The following CCDC142 variants were observed in gnomAD, a reference collection of about 807,000 sequenced individuals.
The protein encoded by CCDC142 is coiled-coil domain containing 142, also known as coiled-coil domain-containing protein 142.
A neutral mutation model predicts 83.8 loss-of-function variants in CCDC142; 67 were observed. That is an observed-to-expected ratio of 0.80 (90% CI 0.66 to 0.98). The LOEUF (loss-of-function observed/expected upper bound fraction) is 0.98, where lower values mean the gene tolerates loss of function less well. Among genes scored for constraint, CCDC142 ranks in the 50% least tolerant of loss-of-function variants. The probability of loss-of-function intolerance (pLI) is 0.00; values close to 1 mark genes in which losing one functional copy is unlikely to be tolerated. For synonymous variants in CCDC142, 421 were observed against 421.2 expected, an observed-to-expected ratio of 1.00 and a Z score of 0.01; for missense variants, 905 against 946.8, an observed-to-expected ratio of 0.96 and a Z score of 0.58.
chr2:74,481,938 G>T lies in CCDC142; in HGVS notation c.900C>A (p.Ala300=). 1.2e-6 allele frequency: 2 copies of T among 1,614,054 alleles called. No individual in the cohort carries two copies. The highest frequency in any genetic ancestry group is 2.7e-5 in the African/African-American group (2 of 75,024). The change falls in exon 1 of 9, where the codon GCC becomes GCA. Residue 300 remains alanine (A), a synonymous_variant. Transcript: ENST00000393965. ...SCGLGLGGAG[A]LWSQYWTLLW... ...GCAGGGTCCAGTATTGGCTCCACAA[G>T]GCCCCAGCCCCTCCGAGCCCTAGTC...
rs772972873 is a variant in CCDC142 at position 74,481,035 on chromosome 2, C to T, written c.1310G>A (p.Trp437Ter). 3.1e-6 allele frequency: 5 copies of T among 1,614,096 alleles called. No individual in the cohort carries two copies. In the South Asian group the frequency reaches 5.5e-5, roughly 18 times the overall value. The part of the protein sequence containing the change: ...GLCTLQTTLL[W>*]FLGRAQQYLA... ...GTACTGCTGAGCTCTGCCCAGGAAC[C>T]AGAGCAAGGTGGTCTGAAGGGTACA... The change falls in exon 4 of 9, where the codon TGG (tryptophan) becomes TAG (stop). Residue 437 changes from tryptophan (W) to a stop codon, truncating the protein, a stop_gained. Transcript: ENST00000393965. LOFTEE classifies it high-confidence loss of function.
At chr2:74,475,846 T>C in intron 5 of CCDC142, 120 bp from the exon 6 acceptor site, 1 of 653,330 alleles carries the variant, frequency 1.5e-6, no homozygotes, top group Non-Finnish European at 2.6e-6. Context: ...TAGTTGTGTA[T>C]GCCTGGCCAT....
In CCDC142 at chr2:74,474,763, C is replaced by G; in HGVS notation, c.2036G>C (p.Ser679Thr). 1 of 1,613,274 alleles carries G rather than the reference C, an allele frequency of 6.2e-7. No individual in the cohort carries two copies. The highest frequency in any genetic ancestry group is 8.5e-7 in the Non-Finnish European group (1 of 1,179,478). Residue 679 changes from serine (S) to threonine (T), a missense_variant, in exon 9 of 9, where the codon AGC becomes ACC. Physicochemically the swap from Ser to Thr is moderately conservative, Grantham distance 58 (BLOSUM62 1). This residue lies in a region of CCDC142 where 265 missense variants were observed against 288.9 expected (regional missense o/e 0.92). Coordinates refer to ENST00000393965, the MANE Select transcript of CCDC142 (RefSeq NM_001365575.2). ...QEVQTTKLPS[S>T]CLNSLESLEP... Reference sequence around the variant, plus strand: ...CAAGCTCTCCAGGCTATTGAGGCAGCTGCTGGGCAATTTCGTGGTCTGGAC... The same window carrying G: ...CAAGCTCTCCAGGCTATTGAGGCAGGTGCTGGGCAATTTCGTGGTCTGGAC...
intron 5 of CCDC142, among the ~76,000 whole-genome samples, chr2:74,476,140 A>G (rs906139472): frequency 6.6e-6 from 1 of 150,720 alleles, no homozygotes; most frequent in Non-Finnish European, 1.5e-5. Context: ...ATGATCTGCA[A>G]TGGGCAGAAA....
At position 74,472,928 on chromosome 2, in the gene CCDC142, T is replaced by A; in HGVS notation, c.*1618A>T. 1.9e-6 allele frequency: 1 copy of A among 531,368 alleles called. No individual in the cohort carries two copies. 32.9% of individuals were successfully genotyped at this position (531,368 alleles called of 1,614,324 possible). A position where few individuals can be genotyped will look rare whatever the true frequency, so the allele number is the denominator to read the frequency against. On this transcript the variant is annotated 3_prime_UTR_variant, in exon 9 of 9. Transcript: ENST00000393965. ...CTCATACGACGGTGAAAACCATAAA[T>A]AAATGGCGCAAAAACCTCTTTGCAC...
chr2:74,481,414 T>A, intron 2 of CCDC142, 38 bp downstream of exon 2: 5 of 1,614,092 alleles, frequency 3.1e-6, no homozygotes, highest in Non-Finnish European at 4.2e-6. Context: ...AGCGGTAACC[T>A]GGGACTTATG....
In CCDC142 at chr2:74,475,651, T is replaced by C; in HGVS notation, c.1579A>G (p.Met527Val). ...AGCCGCCAGTACCGACCCCGTGGCA[T>C]GTAGAGCTTGAAACCTTGCATGGCT... ...KQAMQGFKLY[M>V]PRGRYWRLRL... Residue 527 changes from methionine to valine, a missense_variant, in exon 6 of 9, where the codon ATG (methionine) becomes GTG (valine). Met to Val is a conservative substitution (Grantham distance 21). Transcript: ENST00000393965. 6.2e-7 allele frequency: 1 copy of C among 1,614,098 alleles called. No homozygotes were observed. The highest frequency in any genetic ancestry group is 1.1e-5 in the South Asian group (1 of 91,080).
chr2:74,482,089 C>G lies in CCDC142; in HGVS notation c.749G>C (p.Arg250Pro). ...TGERGCQVAS[R>P]LDEALQGSAL... ...CGATCCTTGGAGCGCCTCGTCCAGCCGACTTGCCACCTGGCAACCCCGCTC... is the reference window on the plus strand; with the variant it reads ...CGATCCTTGGAGCGCCTCGTCCAGCGGACTTGCCACCTGGCAACCCCGCTC... Residue 250 changes from arginine (R) to proline (P), a missense_variant, in exon 1 of 9, where the codon CGG (arginine) becomes CCG (proline). Arg to Pro is a moderately radical substitution (Grantham distance 103). Transcript: ENST00000393965. This position sits in a 1 kb window ranked among gnomAD's most constrained non-coding sequence, Gnocchi z 5.0. 4 of 1,613,580 alleles carry G rather than the reference C, an allele frequency of 2.5e-6. No individual in the cohort carries two copies. The highest frequency in any genetic ancestry group is 3.4e-6 in the Non-Finnish European group (4 of 1,179,942).
chr2:74,474,349 C>T lies in CCDC142; in HGVS notation c.*197G>A, dbSNP rs1046818847. 3.2e-6 allele frequency: 2 copies of T among 618,700 alleles called. No individual in the cohort carries two copies. The highest frequency in any genetic ancestry group is 5.3e-6 in the Non-Finnish European group (2 of 380,450). 38.3% of individuals were successfully genotyped at this position (618,700 alleles called of 1,614,324 possible). A position where few individuals can be genotyped will look rare whatever the true frequency, so the allele number is the denominator to read the frequency against. On this transcript the variant is annotated 3_prime_UTR_variant, in exon 9 of 9. Coordinates refer to ENST00000393965, the MANE Select transcript of CCDC142 (RefSeq NM_001365575.2). ...CCGCCTGCCTCGGTCTCCCAAAGTG[C>T]TGGATTACAGGCGTGAGCCACCTCG...
At position 74,481,455 on chromosome 2, in the gene CCDC142, G is replaced by C; in HGVS notation, c.1105C>G (p.Gln369Glu). ...LHQSLIWSWDQGFCQALGSAL... is the reference protein window; with the variant it reads ...LHQSLIWSWDEGFCQALGSAL... Reference sequence around the variant, plus strand: ...CCCAGTGCCCCTTCCTTCTCACCTTGGTCCCAGCTCCAGATAAGCGACTGA... The same window carrying C: ...CCCAGTGCCCCTTCCTTCTCACCTTCGTCCCAGCTCCAGATAAGCGACTGA... The change falls in exon 2 of 9, where the codon CAA becomes GAA. Residue 369 changes from glutamine to glutamate, a missense_variant. By Grantham distance (29) the Gln-to-Glu change is conservative. Transcript: ENST00000393965. The C allele has an allele frequency of 6.2e-7, 1 of 1,614,098 alleles. No individual in the cohort carries two copies. The highest frequency in any genetic ancestry group is 8.5e-7 in the Non-Finnish European group (1 of 1,180,014).
At chr2:74,480,250 T>C (rs1672410978) in intron 5 of CCDC142, among the ~76,000 whole-genome samples, 1 of 152,196 alleles carries the variant, frequency 6.6e-6, no homozygotes, top group Non-Finnish European at 1.5e-5. Flanking sequence ...GAGTCCATTA[T>C]ACACCTCTCT....
rs1672587644 is a variant in CCDC142, at chr2:74,482,913, C to T, written c.-76G>A. 1 of 1,565,746 alleles carries T rather than the reference C, an allele frequency of 6.4e-7. No individual in the cohort carries two copies. Among genetic ancestry groups the T allele is most frequent in the Admixed American group, 1.7e-5 (1 of 57,412 alleles). On this transcript the variant is annotated 5_prime_UTR_variant, in exon 1 of 9. Coordinates refer to ENST00000393965, the MANE Select transcript of CCDC142 (RefSeq NM_001365575.2). The surrounding 1 kb of genome is among the most constrained non-coding windows in gnomAD (Gnocchi z 5.0). ...CCAACGCCCGCCGCAGCTCGGACTTCGCCCCATCGCAAGAGCCGTTTTCTC... is the reference window on the plus strand; with the variant it reads ...CCAACGCCCGCCGCAGCTCGGACTTTGCCCCATCGCAAGAGCCGTTTTCTC...
Position 74,481,351 on chromosome 2 carries a change from G to C in CCDC142, c.1130C>G (p.Ser377Ter). Residue 377 changes from serine to a stop codon, truncating the protein, a stop_gained, in exon 3 of 9, where the codon TCA (serine) becomes TGA (stop). Coordinates refer to ENST00000393965, the MANE Select transcript of CCDC142 (RefSeq NM_001365575.2). LOFTEE classifies it high-confidence loss of function. ...WDQGFCQALG[S>*]ALGGQSSLPT... The stretch of plus-strand genomic sequence containing the variant: ...AAGGCTGCTCTGACCCCCAAGAGCT[G>C]ATCCCAAGGCCTGGCAGAAACCTGA... 6.2e-7 allele frequency: 1 copy of C among 1,614,150 alleles called. No homozygotes were observed. The highest frequency in any genetic ancestry group is 8.5e-7 in the Non-Finnish European group (1 of 1,180,036).
Position 74,482,595 on chromosome 2 carries a change from G to A in CCDC142, c.243C>T (p.Gly81=). 6.2e-7 allele frequency: 1 copy of A among 1,603,742 alleles called. No homozygotes were observed. The highest frequency in any genetic ancestry group is 8.5e-7 in the Non-Finnish European group (1 of 1,175,464). The part of the protein sequence containing the change: ...AAAWRRGPAG[G]GPIPPALQRL... Reference sequence around the variant, plus strand: ...GCTGCAGCGCGGGAGGGATCGGGCCGCCACCTGCGGGCCCCCGCCTCCAGG... The same window carrying A: ...GCTGCAGCGCGGGAGGGATCGGGCCACCACCTGCGGGCCCCCGCCTCCAGG... The change falls in exon 1 of 9, where the codon GGC becomes GGT. Residue 81 remains glycine, a synonymous_variant. Transcript: ENST00000393965. This position sits in a 1 kb window ranked among gnomAD's most constrained non-coding sequence, Gnocchi z 5.0.
At position 74,482,703 on chromosome 2, in the gene CCDC142, G is replaced by T; in HGVS notation, c.135C>A (p.Cys45Ter). The T allele has an allele frequency of 6.2e-7, 1 of 1,608,536 alleles. No individual in the cohort carries two copies. Among genetic ancestry groups the T allele is most frequent in the Non-Finnish European group, 8.5e-7 (1 of 1,179,970 alleles). ...RTGGLRWEVH[C>*]WPSGTSGGTP... ...TCCCTCCAGAAGTTCCGCTCGGCCA[G>T]CAGTGAACCTCCCAGCGAAGACCGC... is the stretch of plus-strand genomic sequence containing the variant. The change falls in exon 1 of 9, where the codon TGC becomes TGA. Residue 45 changes from cysteine (C) to a stop codon, truncating the protein, a stop_gained. Coordinates refer to ENST00000393965, the MANE Select transcript of CCDC142 (RefSeq NM_001365575.2). LOFTEE classifies it high-confidence loss of function. This position sits in a 1 kb window ranked among gnomAD's most constrained non-coding sequence, Gnocchi z 5.0.
chr2:74,473,059 A>G lies in CCDC142; in HGVS notation c.*1487T>C, dbSNP rs1056528003. Reference sequence around the variant, plus strand: ...GGCTTCTTCCAAAGAGAGAGCACTAACACAAGCCGGGATGATCCACACCAG... The same window carrying G: ...GGCTTCTTCCAAAGAGAGAGCACTAGCACAAGCCGGGATGATCCACACCAG... On this transcript the variant is annotated 3_prime_UTR_variant, in exon 9 of 9. Coordinates refer to ENST00000393965, the MANE Select transcript of CCDC142 (RefSeq NM_001365575.2). 7.1e-6 allele frequency: 2 copies of G among 283,654 alleles called. No individual in the cohort carries two copies. Among genetic ancestry groups the G allele is most frequent in the African/African-American group, 4.5e-5 (2 of 44,232 alleles). 17.6% of individuals were successfully genotyped at this position (283,654 alleles called of 1,614,324 possible).
At position 74,473,907 on chromosome 2, in the gene CCDC142, G is replaced by C. The variant is rs1372821768; in HGVS notation, c.*639C>G. The C allele has an allele frequency of 6.6e-6, 1 of 151,704 alleles. No homozygotes were observed. Among genetic ancestry groups the C allele is most frequent in the South Asian group, 2.1e-4 (1 of 4,798 alleles). The allele number at this position is 151,704 out of a possible 1,614,324, so 9.4% of individuals were successfully genotyped here. On this transcript the variant is annotated 3_prime_UTR_variant, in exon 9 of 9. Coordinates refer to ENST00000393965, the MANE Select transcript of CCDC142 (RefSeq NM_001365575.2). Reference sequence around the variant, plus strand: ...CCTGCCTCAGCCTCCTGAGTAGCTGGGATTACAGGCATGCGCCACCACACC... The same window carrying C: ...CCTGCCTCAGCCTCCTGAGTAGCTGCGATTACAGGCATGCGCCACCACACC...
rs1407407202 is a variant in CCDC142, at chr2:74,475,395, G to A, written c.1626C>T (p.Pro542=). ...YWRLRLCPEP[P]SAPSEYAGLV... is the part of the protein sequence containing the mutation. ...AACCAGCATACTCACTAGGAGCACT[G>A]GGAGGTTCTGGAATAGAGAAGACAG... The change falls in exon 7 of 9, where the codon CCC becomes CCT. Residue 542 remains proline (P), a synonymous_variant. Transcript: ENST00000393965. 1 of 1,577,358 alleles carries A rather than the reference G, an allele frequency of 6.3e-7. No individual in the cohort carries two copies. The highest frequency in any genetic ancestry group is 8.6e-7 in the Non-Finnish European group (1 of 1,161,704).
chr2:74,478,494 A>C (rs1159030282), intron 5 of CCDC142, among the ~76,000 whole-genome samples: 1 of 151,764 alleles, frequency 6.6e-6, no homozygotes, highest in African/African-American at 2.4e-5. Context: ...CTCCTGCCTC[A>C]GCCTCAGAAG....
Sources: allele counts gnomAD v4.1 joint callset (sites outside exome capture counted in the v4.1 genomes callset), GRCh38; gene constraint gnomAD v4.1.1; regional missense constraint gnomAD v4.1.1; non-coding constraint Gnocchi (gnomAD v3.1); transcripts MANE v1.5; gene names NCBI Gene and HGNC (gene_info 2026-07-23, HGNC 2026-07-21).